Variants in TTLL5 observed in about 807,000 individuals in gnomAD.
TTLL5 encodes tubulin polyglutamylase TTLL5.
A neutral mutation model predicts 168.4 loss-of-function variants in TTLL5; 132 were observed. The ratio of observed to expected loss-of-function variants is 0.78; its 90% CI spans 0.68 to 0.91. The LOEUF is 0.91. Ranked by LOEUF, TTLL5 falls within the 40% of genes least tolerant of loss-of-function variation. The pLI is 0.00. For synonymous variants in TTLL5, 546 were observed against 558.6 expected, an observed-to-expected ratio of 0.98 and a Z score of 0.32; for missense variants, 1,545 against 1,581.5, an observed-to-expected ratio of 0.98 and a Z score of 0.39.
intron 29 of TTLL5, among the ~76,000 whole-genome samples, chr14:75,864,105 C>G (rs766542644): frequency 6.6e-6 from 1 of 151,790 alleles, no homozygotes; most frequent in East Asian, 1.9e-4. Context: ...CATTTGAATG[C>G]TTCTATACAA....
At chr14:75,700,869 T>C (rs926972572) in intron 7 of TTLL5, among the ~76,000 whole-genome samples, 1 of 152,192 alleles carries the variant, frequency 6.6e-6, no homozygotes, top group African/African-American at 2.4e-5. Flanking sequence ...GATTCTGAAA[T>C]TTAACCAGGA....
intron 14 of TTLL5, 149 bp downstream of exon 14, chr14:75,734,199 T>C: frequency 2.7e-6 from 2 of 740,776 alleles, no homozygotes; most frequent in Non-Finnish European, 4.5e-6. Context: ...GAAATGTTTA[T>C]ATGTTTCTAC....
rs771482604 is a variant in TTLL5 at position 75,745,536 on chromosome 14, G to C, written c.1442G>C (p.Gly481Ala). ...AAGGAGGAGAATGATCGGCGAGGTG[G>C]ATTTATTCGCATATTTCCTACATCT... ...RVKEENDRRG[G>A]FIRIFPTSET... Residue 481 changes from glycine to alanine, a missense_variant, in exon 17 of 32, where the codon GGA becomes GCA. By Grantham distance (60) the Gly-to-Ala change is moderately conservative. Coordinates refer to ENST00000298832, the MANE Select transcript of TTLL5 (RefSeq NM_015072.5). The C allele has an allele frequency of 2.5e-6, 4 of 1,613,804 alleles. No individual in the cohort carries two copies. The highest frequency in any genetic ancestry group is 3.4e-6 in the Non-Finnish European group (4 of 1,179,936).
intron 31 of TTLL5, among the ~76,000 whole-genome samples, chr14:75,932,221 T>C (rs1247358856): frequency 6.6e-6 from 1 of 152,184 alleles, no homozygotes; most frequent in Non-Finnish European, 1.5e-5. Flanking sequence ...TAATCAACTT[T>C]TTTTCTGATA....
At position 75,858,263 on chromosome 14, in the gene TTLL5, C is replaced by T. The variant is rs560868441; in HGVS notation, c.3327-5404C>T. On this transcript the variant is annotated intron_variant, in intron 28 of 31. Transcript: ENST00000298832. ...CGATGGTGGGTTTTGTAAAACTGCT[C>T]GTGCCTTAGCACAGATCCAGGCAAT... 7.2e-5 allele frequency among the ~76,000 whole-genome samples: 11 copies of T among 152,292 alleles called. No individual in the cohort carries two copies. In the East Asian group the frequency reaches 1.4e-3, roughly 19 times the overall value.
chr14:75,925,180 C>CG (rs1427191141), intron 31 of TTLL5, among the ~76,000 whole-genome samples: 1 of 122,790 alleles, frequency 8.1e-6, no homozygotes, highest in Admixed American at 7.9e-5. Context: ...GCTGGCCTGG[C>CG]GGGGGCTGAC....
chr14:75,889,844 AG>A (rs199813618), intron 30 of TTLL5, among the ~76,000 whole-genome samples: 1,919 of 8,072 alleles, frequency 0.24, 81 homozygotes, highest in Middle Eastern at 0.28. Flanking sequence ...AAAAAAAAAA[AG>A]AGGAAGGAAG....
intron 31 of TTLL5, among the ~76,000 whole-genome samples, chr14:75,914,619 G>GTTT (rs10571332): frequency 3.5e-4 from 34 of 96,066 alleles, no homozygotes; most frequent in Non-Finnish European, 4.3e-4. Context: ...CACTACTCTT[G>GTTT]TTTTTTTTTT....
chr14:75,722,672 A>T (rs1311870731), intron 12 of TTLL5, among the ~76,000 whole-genome samples: 1 of 151,882 alleles, frequency 6.6e-6, no homozygotes, highest in Admixed American at 6.6e-5. Context: ...TATTAGAGAC[A>T]GGGTCTCACT....
chr14:75,887,516 A>G (rs1261200880), intron 30 of TTLL5, among the ~76,000 whole-genome samples: 4 of 152,212 alleles, frequency 2.6e-5, no homozygotes, highest in African/African-American at 9.6e-5. Context: ...TCTCTACATT[A>G]TGCATTTCCA....
intron 26 of TTLL5, among the ~76,000 whole-genome samples, chr14:75,791,975 C>T (rs912656052): frequency 1.3e-5 from 2 of 151,836 alleles, no homozygotes; most frequent in Non-Finnish European, 2.9e-5. Context: ...GTGGCATGAT[C>T]ATAGCTCACT....
chr14:75,833,829 G>A (rs894445517), intron 28 of TTLL5, among the ~76,000 whole-genome samples: 2 of 152,150 alleles, frequency 1.3e-5, no homozygotes, highest in Non-Finnish European at 2.9e-5. Context: ...GTAAGGAGTG[G>A]AATCCAGGGC....
intron 2 of TTLL5, among the ~76,000 whole-genome samples, chr14:75,669,133 T>C (rs760293055): frequency 5.3e-5 from 8 of 152,234 alleles, no homozygotes; most frequent in African/African-American, 1.4e-4. Context: ...CTTAAACTTA[T>C]GGGCTCCAAT....
intron 27 of TTLL5, among the ~76,000 whole-genome samples, chr14:75,803,706 CAGG>C (rs1893476180): frequency 6.6e-6 from 1 of 152,130 alleles, no homozygotes; most frequent in South Asian, 2.1e-4. Context: ...GGGCTGGGGG[CAGG>C]AGAAGTGTCG....
At chr14:75,922,300 G>C (rs1277959866) in intron 31 of TTLL5, among the ~76,000 whole-genome samples, 1 of 152,134 alleles carries the variant, frequency 6.6e-6, no homozygotes, top group Non-Finnish European at 1.5e-5. Context: ...GGGCATCCTT[G>C]TCTTGTGCCG....
At chr14:75,884,473 A>T (rs1242658903) in intron 30 of TTLL5, among the ~76,000 whole-genome samples, 1 of 152,234 alleles carries the variant, frequency 6.6e-6, no homozygotes, top group Non-Finnish European at 1.5e-5. Flanking sequence ...AGCTCTTTGG[A>T]CAGACTTTGC....
chr14:75,755,386 A>T (rs1890188582), intron 18 of TTLL5, among the ~76,000 whole-genome samples: 1 of 151,996 alleles, frequency 6.6e-6, no homozygotes, highest in Admixed American at 6.6e-5. Context: ...ACACCAACTG[A>T]TGGCCATTTC....
At chr14:75,918,753 A>G (rs894829283) in intron 31 of TTLL5, among the ~76,000 whole-genome samples, 20 of 152,138 alleles carry the variant, frequency 1.3e-4, no homozygotes, top group Admixed American at 6.5e-5. Context: ...AATAATGACT[A>G]TGTATACTCT....
intron 26 of TTLL5, 116 bp downstream of exon 26, chr14:75,783,646 A>T (rs1350103157): frequency 2.2e-6 from 3 of 1,379,652 alleles, no homozygotes; most frequent in Non-Finnish European, 2.9e-6. Flanking sequence ...AAATGGACAC[A>T]CACTGCATTG....
Sources: gnomAD v4.1 joint callset for allele counts (sites outside exome capture counted in the v4.1 genomes callset) on GRCh38, gnomAD v4.1.1 for gene constraint, MANE v1.5 for transcripts, NCBI Gene and HGNC (gene_info 2026-07-23, HGNC 2026-07-21) for gene names.